PPIL2: variants seen among roughly 807,000 people sequenced by gnomAD.
PPIL2 encodes the protein peptidylprolyl isomerase like 2.
A neutral mutation model predicts 75.2 loss-of-function variants in PPIL2; 50 were observed. The observed-to-expected ratio is 0.66, with a 90% CI of 0.53 to 0.84. PPIL2 has a LOEUF of 0.84. PPIL2 is among the 40% of genes least tolerant of loss of function. The pLI is 0.00. For missense variants in PPIL2, 590 were observed against 685.0 expected (o/e 0.86, Z 1.55); for synonymous variants, 245 against 258.8 (o/e 0.95, Z 0.51).
chr22:21,672,651 A>G (rs1438562829), intron 5 of PPIL2, among the ~76,000 whole-genome samples: 2 of 152,278 alleles, frequency 1.3e-5, no homozygotes, highest in Admixed American at 6.5e-5. Flanking sequence ...GACCCTATAT[A>G]AACCTTTGAT....
At chr22:21,681,272 G>C (rs763223681) in intron 6 of PPIL2, 27 bp from the exon 7 acceptor site, 1 of 1,565,512 alleles carries the variant, frequency 6.4e-7, no homozygotes, top group South Asian at 1.1e-5. Context: ...GAGGTGACTG[G>C]CCTCCCTGTG....
chr22:21,689,511 A>G (rs976015895), intron 15 of PPIL2, among the ~76,000 whole-genome samples: 1 of 152,120 alleles, frequency 6.6e-6, no homozygotes, highest in Non-Finnish European at 1.5e-5. Flanking sequence ...TTTGGGGATC[A>G]TTGCTCATGT....
chr22:21,691,812 C>G (rs1219221624), intron 15 of PPIL2, among the ~76,000 whole-genome samples: 1 of 152,214 alleles, frequency 6.6e-6, no homozygotes, highest in African/African-American at 2.4e-5. Context: ...AGAGAGGGAA[C>G]TGCTTGCAGG....
intron 5 of PPIL2, among the ~76,000 whole-genome samples, chr22:21,673,105 G>C (rs1226633295): frequency 6.6e-6 from 1 of 152,216 alleles, no homozygotes; most frequent in African/African-American, 2.4e-5. Context: ...GAGTGTTCTT[G>C]GACCAGCGAC....
intron 10 of PPIL2, among the ~76,000 whole-genome samples, chr22:21,686,108 A>C (rs927415261): frequency 6.6e-6 from 1 of 152,114 alleles, no homozygotes; most frequent in African/African-American, 2.4e-5. Context: ...GCTGCAGTGC[A>C]CCAGGATCAC....
At chr22:21,682,903 T>G (rs1271624869) in intron 8 of PPIL2, among the ~76,000 whole-genome samples, 1 of 152,162 alleles carries the variant, frequency 6.6e-6, no homozygotes, top group African/African-American at 2.4e-5. Flanking sequence ...GTCCGATAGC[T>G]CCCTAACAGC....
chr22:21,674,037 C>A (rs553526647), intron 5 of PPIL2, among the ~76,000 whole-genome samples: 1 of 152,178 alleles, frequency 6.6e-6, no homozygotes, highest in East Asian at 1.9e-4. Flanking sequence ...GCAGGGCCCA[C>A]GGAGGGCGGG....
At position 21,688,778 on chromosome 22, in the gene PPIL2, C is replaced by T. The variant is rs779506965; in HGVS notation, c.1068C>T (p.Pro356=). ...WGKPFKDEFR[P]NLSHTGRGIL... ...AGCCCTTCAAAGACGAGTTCCGGCC[C>T]AACCTCTCGCACACGGGCCGCGGCA... Residue 356 remains proline, a synonymous_variant, in exon 15 of 20, where the codon CCC becomes CCT. Coordinates refer to ENST00000398831, the MANE Select transcript of PPIL2 (RefSeq NM_014337.4). 3 of 1,614,208 alleles carry T rather than the reference C, an allele frequency of 1.9e-6. No individual in the cohort carries two copies. The highest frequency in any genetic ancestry group is 2.5e-6 in the Non-Finnish European group (3 of 1,180,032).
chr22:21,686,381 G>C, intron 10 of PPIL2, 102 bp from the exon 11 acceptor site: 6 of 1,134,130 alleles, frequency 5.3e-6, no homozygotes, highest in Middle Eastern at 2.0e-4. Flanking sequence ...GCAGGGCCTG[G>C]GGGGCAGGGG....
Position 21,695,903 on chromosome 22 carries a change from C to T in PPIL2, c.*413C>T. 1 of 960,426 alleles carries T rather than the reference C, an allele frequency of 1.0e-6. No homozygotes were observed. The allele number at this position is 960,426 out of a possible 1,614,324, so 59.5% of individuals were successfully genotyped here. On this transcript the variant is annotated 3_prime_UTR_variant, in exon 20 of 20. Coordinates refer to ENST00000398831, the MANE Select transcript of PPIL2 (RefSeq NM_014337.4). ...GTGGTGTGATCATGGCTCACTGCAG[C>T]CTCGACCTCCTGGGCTCAAGCAATC...
intron 3 of PPIL2, 181 bp from the exon 4 acceptor site, chr22:21,670,816 C>G: frequency 3.6e-6 from 3 of 837,358 alleles, no homozygotes; most frequent in Non-Finnish European, 6.0e-6. Context: ...AGACCTTCAC[C>G]AGGGGTGGCA....
At chr22:21,685,896 G>A (rs566743211) in intron 10 of PPIL2, among the ~76,000 whole-genome samples, 5 of 152,290 alleles carry the variant, frequency 3.3e-5, no homozygotes, top group South Asian at 2.1e-4. Flanking sequence ...GAGGCCAGGC[G>A]TGGTGGCTCA....
Position 21,681,374 on chromosome 22 carries a change from A to T in PPIL2, c.371A>T (p.Asn124Ile). 6.2e-7 allele frequency: 1 copy of T among 1,613,746 alleles called. No individual in the cohort carries two copies. The highest frequency in any genetic ancestry group is 8.5e-7 in the Non-Finnish European group (1 of 1,179,592). Residue 124 changes from asparagine to isoleucine, a missense_variant, in exon 7 of 20, where the codon AAC (asparagine) becomes ATC (isoleucine). Transcript: ENST00000398831. The stretch of plus-strand genomic sequence containing the variant: ...ATCGTGGCTGTGAGGACGACCGGCA[A>T]CGTCTACGCCTATGAGGTGTGTCCT... ...THIVAVRTTG[N>I]VYAYEAVEQL...
chr22:21,686,183 A>G (rs1274369155), intron 10 of PPIL2, among the ~76,000 whole-genome samples: 3 of 152,198 alleles, frequency 2.0e-5, no homozygotes, highest in African/African-American at 7.2e-5. Context: ...TAAAATAAAA[A>G]TAAATGAGAA....
At chr22:21,676,979 G>A (rs1172958642) in intron 6 of PPIL2, among the ~76,000 whole-genome samples, 2 of 149,632 alleles carry the variant, frequency 1.3e-5, no homozygotes, top group South Asian at 2.1e-4. Flanking sequence ...GCGGCCAGGC[G>A]GGGGCTGCCC....
intron 6 of PPIL2, among the ~76,000 whole-genome samples, chr22:21,675,874 C>T (rs2066820078): frequency 6.6e-6 from 1 of 152,250 alleles, no homozygotes; most frequent in Non-Finnish European, 1.5e-5. Flanking sequence ...AGTGCTGCGG[C>T]TCCTGCTTCA....
At chr22:21,678,890 C>T (rs2066986212) in intron 6 of PPIL2, among the ~76,000 whole-genome samples, 1 of 131,656 alleles carries the variant, frequency 7.6e-6, no homozygotes, top group Non-Finnish European at 1.6e-5. Flanking sequence ...CCATGCCCAG[C>T]CAATTTTTTT....
At position 21,690,957 on chromosome 22, in the gene PPIL2, CTTTTTTTTTTT is replaced by C. The variant is rs34639269; in HGVS notation, c.1139+2122_1139+2132del. On this transcript the variant is annotated intron_variant, in intron 15 of 19. Transcript: ENST00000398831. ...GCTGACAGATCAGTTGCCACCTTCT[CTTTTTTTTTTT>C]TTTTTTTTTTTTTGAGATGGAGTTT... is the stretch of plus-strand genomic sequence containing the variant. Among the ~76,000 whole-genome samples, 109 of 64,704 alleles carry C rather than the reference CTTTTTTTTTTT, an allele frequency of 1.7e-3. 1 individual carries two copies. Among genetic ancestry groups the C allele is most frequent in the East Asian group, 3.4e-3 (7 of 2,080 alleles). 42.4% of individuals were successfully genotyped at this position (64,704 alleles called of 152,430 possible). A position where few individuals can be genotyped will look rare whatever the true frequency, so the allele number is the denominator to read the frequency against.
chr22:21,679,283 C>A (rs2067006387), intron 6 of PPIL2, among the ~76,000 whole-genome samples: 1 of 151,862 alleles, frequency 6.6e-6, no homozygotes, highest in Non-Finnish European at 1.5e-5. Flanking sequence ...CTCAAGTGAT[C>A]CTCCCGCGTC....
Sources: gnomAD v4.1 joint callset for allele counts (sites outside exome capture counted in the v4.1 genomes callset) on GRCh38, gnomAD v4.1.1 for gene constraint, MANE v1.5 for transcripts, NCBI Gene and HGNC (gene_info 2026-07-23, HGNC 2026-07-21) for gene names.